The following R3HDM1 variants were observed in gnomAD, a reference collection of about 807,000 sequenced individuals.
R3HDM1 encodes the protein R3H domain-containing protein 1.
Under a neutral mutation model 141.1 loss-of-function variants are expected in R3HDM1, and 46 were observed. The observed-to-expected ratio is 0.33, with a 90% confidence interval of 0.26 to 0.42. The LOEUF (loss-of-function observed/expected upper bound fraction) is 0.42. Ranked by LOEUF, R3HDM1 falls within the 10% of genes least tolerant of loss-of-function variation. R3HDM1 has a pLI of 1.00. For missense variants in R3HDM1, 1,184 were observed against 1,368.3 expected (o/e 0.87, Z 2.12); for synonymous variants, 435 against 472.9 (o/e 0.92, Z 1.04).
At chr2:135,665,903 G>A (rs915149956) in intron 19 of R3HDM1, among the ~76,000 whole-genome samples, 7 of 152,110 alleles carry the variant, frequency 4.6e-5, no homozygotes, top group Non-Finnish European at 1.0e-4. Context: ...TCTTACCAAC[G>A]ATATAATTTA....
intron 11 of R3HDM1, 105 bp downstream of exon 11, chr2:135,636,288 T>C: frequency 1.4e-6 from 2 of 1,455,116 alleles, no homozygotes; most frequent in Non-Finnish European, 1.8e-6. Flanking sequence ...TTTAATCACA[T>C]TTGTTGCACA....
chr2:135,551,978 C>CT (rs1377170383), intron 1 of R3HDM1, among the ~76,000 whole-genome samples: 10 of 152,082 alleles, frequency 6.6e-5, no homozygotes, highest in Admixed American at 6.5e-4. Flanking sequence ...TGCTTAGAGT[C>CT]TAATTGCAAA....
intron 1 of R3HDM1, among the ~76,000 whole-genome samples, chr2:135,594,216 T>C (rs906406913): frequency 6.6e-6 from 1 of 152,224 alleles, no homozygotes; most frequent in African/African-American, 2.4e-5. Context: ...ACTGCTACAT[T>C]AAGATATATG....
At chr2:135,554,912 A>G (rs117478954) in intron 1 of R3HDM1, among the ~76,000 whole-genome samples, 1 of 152,306 alleles carries the variant, frequency 6.6e-6, no homozygotes, top group East Asian at 1.9e-4. Context: ...GCAAACTACT[A>G]CATAAGTGGT....
intron 21 of R3HDM1, among the ~76,000 whole-genome samples, chr2:135,698,145 C>G (rs2073557975): frequency 1.3e-5 from 2 of 149,124 alleles, no homozygotes; most frequent in Admixed American, 1.3e-4. Flanking sequence ...GGCAGGGATA[C>G]TTCTTTTTTT....
intron 24 of R3HDM1, among the ~76,000 whole-genome samples, chr2:135,720,797 A>G (rs756279411): frequency 2.6e-4 from 39 of 152,366 alleles, no homozygotes; most frequent in Admixed American, 8.5e-4. Context: ...AAATGTGTAC[A>G]TGCATATATT....
intron 24 of R3HDM1, among the ~76,000 whole-genome samples, chr2:135,716,520 A>C (rs1417790561): frequency 6.6e-6 from 1 of 152,198 alleles, no homozygotes; most frequent in African/African-American, 2.4e-5. Flanking sequence ...ATGCACACAA[A>C]GATTTATATA....
At chr2:135,613,637 G>T (rs1399461256) in intron 3 of R3HDM1, among the ~76,000 whole-genome samples, 1 of 152,122 alleles carries the variant, frequency 6.6e-6, no homozygotes. Flanking sequence ...GCCACCCAGT[G>T]AAACCCTGTC....
At chr2:135,540,045 T>A (rs985204363) in intron 1 of R3HDM1, among the ~76,000 whole-genome samples, 3 of 152,278 alleles carry the variant, frequency 2.0e-5, no homozygotes, top group African/African-American at 7.2e-5. Flanking sequence ...ATTTTCCTAC[T>A]AATTTACAAC....
chr2:135,644,227 G>C (rs1227320946), intron 15 of R3HDM1, among the ~76,000 whole-genome samples: 1 of 152,170 alleles, frequency 6.6e-6, no homozygotes, highest in Non-Finnish European at 1.5e-5. Context: ...GAGAAGCCAG[G>C]TGCAGTGGCT....
intron 19 of R3HDM1, among the ~76,000 whole-genome samples, chr2:135,673,334 A>G (rs2068682274): frequency 6.6e-6 from 1 of 152,210 alleles, no homozygotes; most frequent in Admixed American, 6.5e-5. Context: ...TGATGCTGCA[A>G]TAGACGTGTA....
chr2:135,663,153 AAAT>A (rs1465210265), intron 19 of R3HDM1, among the ~76,000 whole-genome samples: 4 of 131,938 alleles, frequency 3.0e-5, no homozygotes, highest in African/African-American at 1.1e-4. Context: ...AAAAAAAAAA[AAAT>A]ATGACACTTA....
At chr2:135,637,133 G>T (rs1452045833) in intron 11 of R3HDM1, among the ~76,000 whole-genome samples, 1 of 152,104 alleles carries the variant, frequency 6.6e-6, no homozygotes, top group Non-Finnish European at 1.5e-5. Flanking sequence ...TGAGGTATCT[G>T]CCCTTGATGA....
chr2:135,639,546 CCTT>C lies in R3HDM1; in HGVS notation c.1219+426_1219+428del, dbSNP rs542221569. 3.0e-3 allele frequency among the ~76,000 whole-genome samples: 452 copies of C among 152,044 alleles called. 1 individual carries two copies. The highest frequency in any genetic ancestry group is 0.01 in the African/African-American group (426 of 41,468). On this transcript the variant is annotated intron_variant, in intron 14 of 26. Coordinates refer to ENST00000683871, the MANE Select transcript of R3HDM1 (RefSeq NM_001378107.1). ...TTGATTGCATTTTTTATGATAAAGTCCTTCATTTTCCATTAAAAAAATTAAATT... is the reference window on the plus strand; with the variant it reads ...TTGATTGCATTTTTTATGATAAAGTCCATTTTCCATTAAAAAAATTAAATT...
At chr2:135,622,897 G>T in intron 7 of R3HDM1, 165 bp downstream of exon 7, 2 of 983,888 alleles carry the variant, frequency 2.0e-6, no homozygotes, top group South Asian at 9.4e-5. Context: ...TCTAGTATAT[G>T]CAAATATATA....
intron 7 of R3HDM1, chr2:135,622,960 T>C (rs2061647489): frequency 5.1e-6 from 5 of 981,248 alleles, no homozygotes; most frequent in Non-Finnish European, 6.1e-6. Flanking sequence ...TTGGGAAATA[T>C]AGAATCACTA....
At chr2:135,560,980 G>T (rs1701694242) in intron 1 of R3HDM1, among the ~76,000 whole-genome samples, 1 of 152,168 alleles carries the variant, frequency 6.6e-6, no homozygotes, top group South Asian at 2.1e-4. Context: ...ACAGAAACAG[G>T]CCACAGGCCC....
At chr2:135,618,363 T>A (rs1348348179) in intron 5 of R3HDM1, among the ~76,000 whole-genome samples, 1 of 151,832 alleles carries the variant, frequency 6.6e-6, no homozygotes, top group African/African-American at 2.4e-5. Context: ...GGTTTCACCA[T>A]GTTGGCCAGG....
intron 3 of R3HDM1, among the ~76,000 whole-genome samples, chr2:135,614,815 C>CT (rs139013636): frequency 0.045 from 6,659 of 149,342 alleles, 493 homozygotes; most frequent in African/African-American, 0.16. Context: ...TTTTCTCTCT[C>CT]TTTTTTTTTT....
Sources: allele counts gnomAD v4.1 joint callset (sites outside exome capture counted in the v4.1 genomes callset), GRCh38; gene constraint gnomAD v4.1.1; transcripts MANE v1.5; gene names NCBI Gene and HGNC (gene_info 2026-07-23, HGNC 2026-07-21).